The following LAMA5 variants were observed in gnomAD, a reference collection of about 807,000 sequenced individuals.
The protein encoded by LAMA5 is laminin subunit alpha 5, also known as laminin subunit alpha-5.
A neutral mutation model predicts 433.4 loss-of-function variants in LAMA5; 260 were observed. The observed-to-expected ratio is 0.60, with a 90% CI of 0.54 to 0.66. The LOEUF (loss-of-function observed/expected upper bound fraction) is 0.66, where lower values mean the gene tolerates loss of function less well. LAMA5 is among the 30% of genes least tolerant of loss of function. The pLI is 0.00. For synonymous variants in LAMA5, 2,620 were observed against 2,226.6 expected (o/e 1.18, Z -4.97); for missense variants, 5,378 against 5,258.5 (o/e 1.02, Z -0.70).
At position 62,330,561 on chromosome 20, in the gene LAMA5, C is replaced by T. The variant is rs1305583277; in HGVS notation, c.3906G>A (p.Leu1302=). The T allele has an allele frequency of 2.5e-6, 4 of 1,591,858 alleles. No homozygotes were observed. Among genetic ancestry groups the T allele is most frequent in the South Asian group, 2.3e-5 (2 of 87,146 alleles). The part of the protein sequence containing the change: ...HVPTLGRYAF[L]LHGYQPAHPT... ...GGTGGGCTGGCTGGTAGCCGTGCAG[C>T]AGGAAGGCATAGCGGCCCAGCGTGG... The change falls in exon 31 of 80, where the codon CTG becomes CTA. Residue 1302 remains leucine (L), a synonymous_variant. Coordinates refer to ENST00000252999, the MANE Select transcript of LAMA5 (RefSeq NM_005560.6).
In LAMA5 at chr20:62,337,072, G is replaced by A. The variant is rs1601369318; in HGVS notation, c.2165-286C>T. 5 of 631,450 alleles carry A rather than the reference G, an allele frequency of 7.9e-6. No homozygotes were observed. The East Asian group carries it at 1.6e-4, about 20-fold the overall frequency. The allele number at this position is 631,450 out of a possible 1,614,324, so 39.1% of individuals were successfully genotyped here. ...CAGTGTGTGACACACGTCTGAACAA[G>A]CACACAAACGCACGTGAAGATGCAC... is the stretch of plus-strand genomic sequence containing the variant. On this transcript the variant is annotated intron_variant, in intron 16 of 79. Transcript: ENST00000252999.
Position 62,338,020 on chromosome 20 carries a change from G to A in LAMA5, c.1887C>T (p.Cys629=), listed in dbSNP as rs760204438. The change falls in exon 14 of 80, where the codon TGC becomes TGT. Residue 629 remains cysteine (C), a synonymous_variant. Coordinates refer to ENST00000252999, the MANE Select transcript of LAMA5 (RefSeq NM_005560.6). The part of the protein sequence containing the change: ...CRPGYHGFPN[C]QACTCDPRGA... Reference sequence around the variant, plus strand: ...CTGCCCTGACCCTCTGCTCACCTTGGCAGTTGGGGAAACCATGGTAGCCAG... The same window carrying A: ...CTGCCCTGACCCTCTGCTCACCTTGACAGTTGGGGAAACCATGGTAGCCAG... 1 of 1,596,724 alleles carries A rather than the reference G, an allele frequency of 6.3e-7. No homozygotes were observed. Among genetic ancestry groups the A allele is most frequent in the South Asian group, 1.1e-5 (1 of 89,512 alleles).
Position 62,322,789 on chromosome 20 carries a change from G to A in LAMA5, c.6065-31C>T, listed in dbSNP as rs146803074. The A allele has an allele frequency of 5.7e-4, 779 of 1,374,058 alleles. 4 individuals carry two copies. In the African/African-American group the frequency reaches 9.8e-3, roughly 17 times the overall value. The allele number at this position is 1,374,058 out of a possible 1,614,324, so 85.1% of individuals were successfully genotyped here. A position where few individuals can be genotyped will look rare whatever the true frequency, so the allele number is the denominator to read the frequency against. ...GAAGGGGTCCGTGACTGCAGCCCTGGGCCCTCTCACCCCCCCAGGGAGCCC... is the reference window on the plus strand; with the variant it reads ...GAAGGGGTCCGTGACTGCAGCCCTGAGCCCTCTCACCCCCCCAGGGAGCCC... On this transcript the variant is annotated intron_variant, in intron 45 of 79. Coordinates refer to ENST00000252999, the MANE Select transcript of LAMA5 (RefSeq NM_005560.6).
Position 62,327,937 on chromosome 20 carries a change from G to T in LAMA5, c.4726C>A (p.Pro1576Thr), listed in dbSNP as rs1285404664. The T allele has an allele frequency of 6.2e-7, 1 of 1,612,394 alleles. No homozygotes were observed. The highest frequency in any genetic ancestry group is 1.3e-5 in the African/African-American group (1 of 74,896). The change falls in exon 36 of 80, where the codon CCC becomes ACC. Residue 1576 changes from proline to threonine, a missense_variant. Physicochemically the swap from Pro to Thr is conservative, Grantham distance 38 (BLOSUM62 -1). Coordinates refer to ENST00000252999, the MANE Select transcript of LAMA5 (RefSeq NM_005560.6). ...PGFHGYPRCR[P>T]CDCHEAGTAP... ...GTGCCCGCCTCGTGACAGTCACAGGGGCGGCAGCGGGGGTAGCCATGGAAG... is the reference window on the plus strand; with the variant it reads ...GTGCCCGCCTCGTGACAGTCACAGGTGCGGCAGCGGGGGTAGCCATGGAAG...
At chr20:62,345,786 GC>G in intron 11 of LAMA5, 31 bp downstream of exon 11, 1 of 1,512,106 alleles carries the variant, frequency 6.6e-7, no homozygotes, top group Non-Finnish European at 9.0e-7. Flanking sequence ...TCCAGGGCAG[GC>G]CGGGGACCTG....
In LAMA5 at chr20:62,338,352, G is replaced by A. The variant is rs1982036896; in HGVS notation, c.1636C>T (p.Pro546Ser). The change falls in exon 13 of 80, where the codon CCT (proline) becomes TCT (serine). Residue 546 changes from proline (P) to serine (S), a missense_variant. Pro to Ser is a moderately conservative substitution (Grantham distance 74). Coordinates refer to ENST00000252999, the MANE Select transcript of LAMA5 (RefSeq NM_005560.6). ...TCACAGCGGTCATCGGCCACTCCAGGGCTGGAACACTGGCAGGCTGCAGGA... is the reference window on the plus strand; with the variant it reads ...TCACAGCGGTCATCGGCCACTCCAGAGCTGGAACACTGGCAGGCTGCAGGA... ...PGCQPCQCSS[P>S]GVADDRCDPD... is the part of the protein sequence containing the mutation. 6.2e-7 allele frequency: 1 copy of A among 1,609,038 alleles called. No individual in the cohort carries two copies. Among genetic ancestry groups the A allele is most frequent in the African/African-American group, 1.3e-5 (1 of 74,886 alleles).
At chr20:62,329,109 G>C in intron 33 of LAMA5, 29 bp downstream of exon 33, 1 of 1,611,858 alleles carries the variant, frequency 6.2e-7, no homozygotes, top group Non-Finnish European at 8.5e-7. Context: ...CCCCACCCCG[G>C]ACCCCTGACC....
Position 62,316,763 on chromosome 20 carries a change from C to T in LAMA5, c.7664G>A (p.Arg2555Gln), listed in dbSNP as rs759017891. ...CTGGGCTCGGTCCACCAGGCCCTGC[C>T]GCACCACCGTCTGTGGATGCCAGGG... ...QADHTWATVV[R>Q]QGLVDRAQQL... is the part of the protein sequence containing the mutation. Residue 2555 changes from arginine to glutamine, a missense_variant, in exon 57 of 80, where the codon CGG becomes CAG. Arg to Gln is a conservative substitution (Grantham distance 43). Coordinates refer to ENST00000252999, the MANE Select transcript of LAMA5 (RefSeq NM_005560.6). 3.2e-5 allele frequency: 52 copies of T among 1,605,380 alleles called. No homozygotes were observed. The highest frequency in any genetic ancestry group is 6.7e-5 in the East Asian group (3 of 44,662).
intron 76 of LAMA5, 25 bp downstream of exon 76, chr20:62,310,394 G>T (rs770795823): frequency 1.3e-6 from 2 of 1,583,020 alleles, no homozygotes; most frequent in South Asian, 1.2e-5. Context: ...CCCTGCTGAG[G>T]CCTGGGATGC....
At chr20:62,343,507 GGCTTAC>G (rs1982905851) in intron 11 of LAMA5, among the ~76,000 whole-genome samples, 1 of 152,214 alleles carries the variant, frequency 6.6e-6, no homozygotes, top group Admixed American at 6.5e-5. Flanking sequence ...TGGGCGCAGA[GGCTTAC>G]GCCTGTAATC....
At position 62,367,115 on chromosome 20, in the gene LAMA5, C is replaced by A; in HGVS notation, c.131G>T (p.Ser44Ile). Residue 44 changes from serine to isoleucine, a missense_variant, in exon 1 of 80, where the codon AGC becomes ATC. By Grantham distance (142) the Ser-to-Ile change is moderately radical. Coordinates refer to ENST00000252999, the MANE Select transcript of LAMA5 (RefSeq NM_005560.6). ...RAREEAGGGF[S>I]LHPPYFNLAE... ...CAGGTTGAAGTAGGGCGGGTGCAGG[C>A]TGAAGCCGCCGCCCGCCTCCTCCCG... The A allele has an allele frequency of 7.8e-7, 1 of 1,277,500 alleles. No individual in the cohort carries two copies. Among genetic ancestry groups the A allele is most frequent in the Non-Finnish European group, 9.9e-7 (1 of 1,015,102 alleles). 79.1% of individuals were successfully genotyped at this position (1,277,500 alleles called of 1,614,324 possible).
Position 62,367,235 on chromosome 20 carries a change from C to T in LAMA5, c.11G>A (p.Arg4Gln). 1 of 1,187,462 alleles carries T rather than the reference C, an allele frequency of 8.4e-7. No homozygotes were observed. The highest frequency in any genetic ancestry group is 1.0e-6 in the Non-Finnish European group (1 of 961,434). The allele number at this position is 1,187,462 out of a possible 1,614,324, so 73.6% of individuals were successfully genotyped here. A position where few individuals can be genotyped will look rare whatever the true frequency, so the allele number is the denominator to read the frequency against. Reference sequence around the variant, plus strand: ...ACACAGTGCGCTCCCCGCGCAGAGCCGCTTCGCCATCTTCCCGGCTCCGGG... The same window carrying T: ...ACACAGTGCGCTCCCCGCGCAGAGCTGCTTCGCCATCTTCCCGGCTCCGGG... Reference protein sequence around the residue: MAKRLCAGSALCVR... With the variant: MAKQLCAGSALCVR... Residue 4 changes from arginine to glutamine, a missense_variant, in exon 1 of 80, where the codon CGG (arginine) becomes CAG (glutamine). Arg to Gln is a conservative substitution (Grantham distance 43). Coordinates refer to ENST00000252999, the MANE Select transcript of LAMA5 (RefSeq NM_005560.6).
chr20:62,320,565 G>A lies in LAMA5; in HGVS notation c.6753C>T (p.Gly2251=), dbSNP rs765452242. The change falls in exon 50 of 80, where the codon GGC becomes GGT. Residue 2251 remains glycine, a synonymous_variant. Transcript: ENST00000252999. Reference sequence around the variant, plus strand: ...GGGGTCTTGGGGCTCCTGCCTGGCCGCCTAGCCGCCGTGCGTCCTGCCCGA... The same window carrying A: ...GGGGTCTTGGGGCTCCTGCCTGGCCACCTAGCCGCCGTGCGTCCTGCCCGA... ...TSLGQDARRL[G]GQAVGTRDQA... 77 of 1,592,916 alleles carry A rather than the reference G, an allele frequency of 4.8e-5. No individual in the cohort carries two copies. The highest frequency in any genetic ancestry group is 3.5e-4 in the Middle Eastern group (2 of 5,706).
chr20:62,313,522 A>G (rs1986556728), intron 63 of LAMA5, 62 bp from the exon 64 acceptor site: 3 of 1,559,214 alleles, frequency 1.9e-6, no homozygotes, highest in Middle Eastern at 1.7e-4. Flanking sequence ...AGGATGGACC[A>G]AGGGGACTTC....
Position 62,342,163 on chromosome 20 carries a change from C to T in LAMA5, c.1478-3555G>A, listed in dbSNP as rs140806057. 1,429 of 211,166 alleles carry T rather than the reference C, an allele frequency of 6.8e-3. 22 individuals are homozygous for T. Among genetic ancestry groups the T allele is most frequent in the African/African-American group, 0.032 (1,324 of 41,794 alleles). 13.1% of individuals were successfully genotyped at this position (211,166 alleles called of 1,614,324 possible). On this transcript the variant is annotated intron_variant, in intron 11 of 79. Transcript: ENST00000252999. ...CTAAAAATACAAAAAATTGGCCAGG[C>T]GTGGTGGCAGGTGCCTGTAATCCCA...
chr20:62,322,144 C>G lies in LAMA5; in HGVS notation c.6371G>C (p.Cys2124Ser), dbSNP rs372157382. The G allele has an allele frequency of 2.6e-5, 42 of 1,599,102 alleles. No individual in the cohort carries two copies. Among genetic ancestry groups the G allele is most frequent in the Non-Finnish European group, 3.5e-5 (41 of 1,175,832 alleles). Residue 2124 changes from cysteine to serine, a missense_variant, in exon 48 of 80, where the codon TGT becomes TCT. By Grantham distance (112) the Cys-to-Ser change is moderately radical (BLOSUM62 -1). Transcript: ENST00000252999. ...CRRCQCPGGR[C>S]DPHTGRCNCP... ...GTTGCAGCGGCCCGTGTGAGGGTCA[C>G]AGCGGCCCCCAGGGCACTGGCAGCC...
Position 62,352,025 on chromosome 20 carries a change from G to A in LAMA5, c.742C>T (p.Pro248Ser), listed in dbSNP as rs766412407. The change falls in exon 5 of 80, where the codon CCG becomes TCG. Residue 248 changes from proline to serine, a missense_variant. Physicochemically the swap from Pro to Ser is moderately conservative, Grantham distance 74. Coordinates refer to ENST00000252999, the MANE Select transcript of LAMA5 (RefSeq NM_005560.6). The part of the protein sequence containing the change: ...RPGAMNFSYS[P>S]LLREFTKATN... ...GCCTTGGTGAACTCACGTAGCAGCG[G>A]CGAGTAGGAGAAATTCATGGCGCCC... 6.2e-7 allele frequency: 1 copy of A among 1,612,716 alleles called. No homozygotes were observed. Among genetic ancestry groups the A allele is most frequent in the South Asian group, 1.1e-5 (1 of 91,078 alleles).
Position 62,309,291 on chromosome 20 carries a change from G to A in LAMA5, c.*45C>T. 1.3e-6 allele frequency: 2 copies of A among 1,579,548 alleles called. No individual in the cohort carries two copies. Among genetic ancestry groups the A allele is most frequent in the African/African-American group, 2.7e-5 (2 of 74,650 alleles). On this transcript the variant is annotated 3_prime_UTR_variant, in exon 80 of 80. Coordinates refer to ENST00000252999, the MANE Select transcript of LAMA5 (RefSeq NM_005560.6). ...ATGAGGCGAGCACAAGGGGCGGTGT[G>A]AGGCAGCTGCAGGGGCCTGACCAGG...
chr20:62,366,136 G>A (rs1366365968), intron 1 of LAMA5, among the ~76,000 whole-genome samples: 12 of 152,216 alleles, frequency 7.9e-5, no homozygotes, highest in Non-Finnish European at 8.8e-5. Flanking sequence ...TAGAGCGGCC[G>A]GTTGGGAGCC....
Sources: allele counts gnomAD v4.1 joint callset (sites outside exome capture counted in the v4.1 genomes callset), GRCh38; gene constraint gnomAD v4.1.1; transcripts MANE v1.5; gene names NCBI Gene and HGNC (gene_info 2026-07-23, HGNC 2026-07-21).